ANTXR2: variants seen among roughly 807,000 people sequenced by gnomAD.
ANTXR2 encodes anthrax toxin receptor 2.
A neutral mutation model predicts 73.7 loss-of-function variants in ANTXR2; 44 were observed. That is an observed-to-expected ratio of 0.60 (90% confidence interval 0.47 to 0.77). ANTXR2 has a LOEUF of 0.77. Among genes scored for constraint, ANTXR2 ranks in the 30% least tolerant of loss-of-function variants. The pLI, the probability that ANTXR2 is intolerant of heterozygous loss-of-function variation, is 0.00. For synonymous variants in ANTXR2, 217 were observed against 205.9 expected, an observed-to-expected ratio of 1.05 and a Z score of -0.46; for missense variants, 604 against 592.5, an observed-to-expected ratio of 1.02 and a Z score of -0.20.
At chr4:80,052,797 T>G (rs1733827739) in intron 7 of ANTXR2, among the ~76,000 whole-genome samples, 2 of 151,486 alleles carry the variant, frequency 1.3e-5, no homozygotes, top group African/African-American at 4.8e-5. Context: ...ATTCTAGAGG[T>G]TCCCTAATAA....
chr4:80,044,722 A>T (rs893357884), intron 7 of ANTXR2, among the ~76,000 whole-genome samples: 2 of 151,892 alleles, frequency 1.3e-5, no homozygotes, highest in Non-Finnish European at 2.9e-5. Context: ...TCTAAGTGGC[A>T]ACAGGAAGGA....
intron 14 of ANTXR2, among the ~76,000 whole-genome samples, chr4:79,978,938 T>G (rs1483009012): frequency 6.6e-6 from 1 of 152,216 alleles, no homozygotes; most frequent in South Asian, 2.1e-4. Context: ...AGTAATATAG[T>G]GTTCAGCCTT....
intron 7 of ANTXR2, among the ~76,000 whole-genome samples, chr4:80,053,440 T>C (rs1053105682): frequency 2.6e-5 from 4 of 151,702 alleles, no homozygotes; most frequent in Non-Finnish European, 5.9e-5. Context: ...TCATTTTGTG[T>C]TTCTAAACAA....
chr4:79,996,326 G>GATGGATAT (rs1213782684), intron 12 of ANTXR2, among the ~76,000 whole-genome samples: 1 of 151,248 alleles, frequency 6.6e-6, no homozygotes, highest in East Asian at 1.9e-4. Flanking sequence ...TATATGGATG[G>GATGGATAT]ATGGATGGAT....
At chr4:80,015,967 G>A (rs201071165) in intron 11 of ANTXR2, among the ~76,000 whole-genome samples, 4 of 136,596 alleles carry the variant, frequency 2.9e-5, no homozygotes, top group East Asian at 3.1e-4. Context: ...GGAAAGGAAA[G>A]GAAAGGAAAG....
chr4:80,066,107 C>G (rs1459989249), intron 3 of ANTXR2, among the ~76,000 whole-genome samples: 2 of 152,082 alleles, frequency 1.3e-5, no homozygotes, highest in Non-Finnish European at 2.9e-5. Context: ...ACCACAGAAA[C>G]TTGAGAAGTT....
chr4:79,983,813 G>A lies in ANTXR2; in HGVS notation c.1179+65C>T. 2.4e-6 allele frequency: 3 copies of A among 1,242,260 alleles called. No homozygotes were observed. In the South Asian group the frequency reaches 3.7e-5, roughly 15 times the overall value. The allele number at this position is 1,242,260 out of a possible 1,614,324, so 77.0% of individuals were successfully genotyped here. On this transcript the variant is annotated intron_variant, in intron 14 of 16. Transcript: ENST00000403729. ...TTGAATTGTGAAAAGTAGTTTCTAT[G>A]GCTTAATAGCCCTAGAAATACATAC...
chr4:79,997,209 T>A (rs1730770615), intron 12 of ANTXR2, among the ~76,000 whole-genome samples: 1 of 151,738 alleles, frequency 6.6e-6, no homozygotes, highest in Admixed American at 6.6e-5. Flanking sequence ...AATCATATGT[T>A]CCAATATTCA....
At position 79,901,747 on chromosome 4, in the gene ANTXR2, TG is replaced by T; in HGVS notation, c.*5681del. 2.4e-5 allele frequency: 4 copies of T among 165,768 alleles called. No homozygotes were observed. Among genetic ancestry groups the T allele is most frequent in the Non-Finnish European group, 5.0e-5 (4 of 79,842 alleles). The allele number at this position is 165,768 out of a possible 1,614,324, so 10.3% of individuals were successfully genotyped here. A position where few individuals can be genotyped will look rare whatever the true frequency, so the allele number is the denominator to read the frequency against. ...TTTCCTGCAACTAGATGGTCCCATC[TG>T]GGGGTGGTGGGAGACAACAACAGAT... On this transcript the variant is annotated 3_prime_UTR_variant, in exon 17 of 17. Transcript: ENST00000403729.
intron 16 of ANTXR2, among the ~76,000 whole-genome samples, chr4:79,918,111 C>T (rs1331418210): frequency 6.6e-6 from 1 of 151,888 alleles, no homozygotes; most frequent in Non-Finnish European, 1.5e-5. Context: ...GTAGAACGGA[C>T]ACAGCAGAAG....
intron 16 of ANTXR2, among the ~76,000 whole-genome samples, chr4:79,915,983 G>T (rs1480520704): frequency 1.3e-5 from 2 of 151,508 alleles, no homozygotes; most frequent in African/African-American, 4.9e-5. Flanking sequence ...ACCTATAAAT[G>T]TCCAATTTTA....
chr4:79,920,838 A>C (rs1727566067), intron 16 of ANTXR2, among the ~76,000 whole-genome samples: 1 of 152,166 alleles, frequency 6.6e-6, no homozygotes. Context: ...TAAGTGACTT[A>C]TATTTCAAAT....
At position 80,000,138 on chromosome 4, in the gene ANTXR2, T is replaced by C. The variant is rs186853455; in HGVS notation, c.1041+8383A>G. On this transcript the variant is annotated intron_variant, in intron 12 of 16. Transcript: ENST00000403729. ...CCTGTGGGGTATATGTAGCAGCAAC[T>C]AGACAAAAGTTGAACTGCTTCTACT... Among the ~76,000 whole-genome samples the C allele has an allele frequency of 4.6e-3, 694 of 152,168 alleles. 9 individuals are homozygous for C. The highest frequency in any genetic ancestry group is 0.016 in the African/African-American group (658 of 41,552).
chr4:79,935,102 A>C (rs553949057), intron 16 of ANTXR2, among the ~76,000 whole-genome samples: 1 of 152,060 alleles, frequency 6.6e-6, no homozygotes, highest in Non-Finnish European at 1.5e-5. Context: ...AAAAAAAAAA[A>C]CAACTGAATA....
chr4:80,048,196 TTTA>T (rs1245012230), intron 7 of ANTXR2, among the ~76,000 whole-genome samples: 2 of 150,932 alleles, frequency 1.3e-5, no homozygotes, highest in Admixed American at 6.6e-5. Context: ...TTGCATAGAT[TTTA>T]TTTACTTATA....
chr4:79,908,493 A>G (rs1302350738), intron 16 of ANTXR2, among the ~76,000 whole-genome samples: 1 of 150,730 alleles, frequency 6.6e-6, no homozygotes, highest in Non-Finnish European at 1.5e-5. Context: ...TCCAAAAATG[A>G]CTGCTCAATA....
chr4:79,975,629 G>A (rs1729592363), intron 16 of ANTXR2, among the ~76,000 whole-genome samples: 1 of 152,074 alleles, frequency 6.6e-6, no homozygotes. Context: ...TGTCTAACCT[G>A]GGGAATAAAA....
chr4:79,965,476 T>G (rs1560916507), intron 16 of ANTXR2, among the ~76,000 whole-genome samples: 1 of 152,180 alleles, frequency 6.6e-6, no homozygotes, highest in Non-Finnish European at 1.5e-5. Context: ...CATTTCTAAC[T>G]AAAAAAATTG....
intron 16 of ANTXR2, among the ~76,000 whole-genome samples, chr4:79,911,332 A>G (rs1727127220): frequency 6.6e-6 from 1 of 152,230 alleles, no homozygotes; most frequent in Non-Finnish European, 1.5e-5. Context: ...GGAAAGTATT[A>G]TTAGTTAATA....
Sources: gnomAD v4.1 joint callset for allele counts (sites outside exome capture counted in the v4.1 genomes callset) on GRCh38, gnomAD v4.1.1 for gene constraint, MANE v1.5 for transcripts, NCBI Gene and HGNC (gene_info 2026-07-23, HGNC 2026-07-21) for gene names.